The following ADGRG2 variants were observed in gnomAD, a reference collection of about 807,000 sequenced individuals.
The protein encoded by ADGRG2 is G protein-coupled receptor 64.
Under a neutral mutation model 74.1 loss-of-function variants are expected in ADGRG2, and 26 were observed. That is an observed-to-expected ratio of 0.35 (90% CI 0.26 to 0.49). The LOEUF (loss-of-function observed/expected upper bound fraction) is 0.49. Ranked by LOEUF, ADGRG2 falls within the 20% of genes least tolerant of loss-of-function variation. ADGRG2 has a pLI of 0.99. For synonymous variants in ADGRG2, 296 were observed against 295.2 expected (o/e 1.00, Z -0.03); for missense variants, 619 against 763.1 (o/e 0.81, Z 2.22).
At chrX:19,064,603 G>T (rs1471493378) in intron 3 of ADGRG2, among the ~76,000 whole-genome samples, 2 of 112,312 alleles carry the variant, frequency 1.8e-5, no homozygotes, top group African/African-American at 3.2e-5. Context: ...AACCACCTGG[G>T]TGATCCAGAA....
At chrX:19,008,436 C>T (rs1298144425) in intron 18 of ADGRG2, among the ~76,000 whole-genome samples, 2 of 110,944 alleles carry the variant, frequency 1.8e-5, no homozygotes, top group Non-Finnish European at 3.8e-5. Context: ...GAGGCCGAGT[C>T]GGGAGGATCA....
At chrX:19,100,079 T>C (rs1221948344) in intron 1 of ADGRG2, among the ~76,000 whole-genome samples, 1 of 111,403 alleles carries the variant, frequency 9.0e-6, no homozygotes, top group Non-Finnish European at 1.9e-5. Context: ...TCAGCAACCC[T>C]GGACAACCAT....
intron 1 of ADGRG2, among the ~76,000 whole-genome samples, chrX:19,096,399 G>A (rs1033424315): frequency 7.3e-5 from 7 of 96,227 alleles, no homozygotes; most frequent in African/African-American, 2.4e-4. Context: ...GTGACAGAGC[G>A]AGACTCTATC....
chrX:19,048,123 C>T (rs1193456218), intron 3 of ADGRG2, among the ~76,000 whole-genome samples: 1 of 111,221 alleles, frequency 9.0e-6, no homozygotes, highest in Non-Finnish European at 1.9e-5. Flanking sequence ...CCACCCATCC[C>T]CCTGGCTCTT....
chrX:19,065,995 C>T (rs1158217787), intron 3 of ADGRG2, among the ~76,000 whole-genome samples: 1 of 111,907 alleles, frequency 8.9e-6, no homozygotes, highest in Non-Finnish European at 1.9e-5. Flanking sequence ...TATAGGCGTG[C>T]ACCACCACGC....
intron 1 of ADGRG2, among the ~76,000 whole-genome samples, chrX:19,101,939 A>C (rs2147036769): frequency 9.0e-6 from 1 of 110,577 alleles, no homozygotes; most frequent in African/African-American, 3.3e-5. Context: ...CACGTGCCTG[A>C]TTTCCTGACC....
chrX:19,100,411 A>G (rs2062168408), intron 1 of ADGRG2, among the ~76,000 whole-genome samples: 1 of 113,390 alleles, frequency 8.8e-6, no homozygotes, highest in African/African-American at 3.2e-5. Context: ...CATGTAAGTG[A>G]ATGAGCGTGA....
intron 10 of ADGRG2, among the ~76,000 whole-genome samples, 160 bp downstream of exon 10, chrX:19,028,023 C>A (rs1198066799): frequency 8.9e-6 from 1 of 112,053 alleles, no homozygotes; most frequent in Non-Finnish European, 1.9e-5. Context: ...AATTCAAGCC[C>A]TCGCTACAAA....
rs776436724 is a variant in ADGRG2, at chrX:18,989,335, ATTGATTTTAACATTT to A, written c.*1514_*1528del. ...AAGATCTTAACTGCAAATTTATTTC[ATTGATTTTAACATTT>A]TTGATTTTAACATATAAATACAAGA... is the stretch of plus-strand genomic sequence containing the variant. On this transcript the variant is annotated 3_prime_UTR_variant, in exon 29 of 29. Coordinates refer to ENST00000379869, the MANE Select transcript of ADGRG2 (RefSeq NM_001079858.3). 8.3e-3 allele frequency: 934 copies of A among 112,694 alleles called. 11 individuals are homozygous for A. Among genetic ancestry groups the A allele is most frequent in the African/African-American group, 0.028 (859 of 30,997 alleles). The allele number at this position is 112,694 out of a possible 1,213,427, so 9.3% of individuals were successfully genotyped here.
At position 19,031,021 on chromosome X, in the gene ADGRG2, T is replaced by C; in HGVS notation, c.321A>G (p.Arg107=). Residue 107 remains arginine, a synonymous_variant, in exon 9 of 29, where the codon AGA becomes AGG. Coordinates refer to ENST00000379869, the MANE Select transcript of ADGRG2 (RefSeq NM_001079858.3). The part of the protein sequence containing the change: ...TFNASGVKPQ[R]NICNLSSICN... ...AAATAGATGACAAATTGCAGATATT[T>C]CTCTGGGGTTTGACGCCTGCAAAGA... The C allele has an allele frequency of 3.3e-6, 4 of 1,199,071 alleles. No homozygotes were observed. The highest frequency in any genetic ancestry group is 4.5e-6 in the Non-Finnish European group (4 of 884,301).
chrX:19,085,183 A>G (rs1040004163), intron 1 of ADGRG2, among the ~76,000 whole-genome samples: 3 of 111,832 alleles, frequency 2.7e-5, no homozygotes, highest in Admixed American at 1.9e-4. Flanking sequence ...TGTGTTTTGG[A>G]ATATTATGCA....
At chrX:19,044,410 C>T (rs969333875) in intron 3 of ADGRG2, among the ~76,000 whole-genome samples, 2 of 111,599 alleles carry the variant, frequency 1.8e-5, no homozygotes, top group African/African-American at 3.3e-5. Context: ...AAGTAGTCCA[C>T]GATAATCTCA....
chrX:19,075,482 G>A (rs1223717133), intron 2 of ADGRG2, among the ~76,000 whole-genome samples: 1 of 108,672 alleles, frequency 9.2e-6, no homozygotes, highest in Non-Finnish European at 1.9e-5. Flanking sequence ...GCCAGGTGTG[G>A]TGGCGCCCAC....
intron 1 of ADGRG2, among the ~76,000 whole-genome samples, chrX:19,102,815 G>C (rs2062212138): frequency 9.0e-6 from 1 of 110,922 alleles, no homozygotes; most frequent in African/African-American, 3.3e-5. Flanking sequence ...ACCCAGAAGA[G>C]GGAACTCACC....
At chrX:18,996,013 G>T (rs779327007) in intron 27 of ADGRG2, 38 bp downstream of exon 27, 3 of 684,686 alleles carry the variant, frequency 4.4e-6, no homozygotes, top group Non-Finnish European at 7.1e-6. Flanking sequence ...TTTTCCTTGA[G>T]ATTTAAGAGG....
At chrX:19,079,970 G>A (rs1419590121) in intron 2 of ADGRG2, among the ~76,000 whole-genome samples, 1 of 107,200 alleles carries the variant, frequency 9.3e-6, no homozygotes, top group Admixed American at 1.0e-4. Flanking sequence ...GAATGCAATG[G>A]CGTGATCTCG....
At chrX:19,076,283 G>C (rs887060065) in intron 2 of ADGRG2, among the ~76,000 whole-genome samples, 7 of 111,565 alleles carry the variant, frequency 6.3e-5, no homozygotes, top group Non-Finnish European at 1.3e-4. Flanking sequence ...AGAAGCAAGG[G>C]TGAGGGGAAG....
At chrX:19,037,364 G>T (rs1342505132) in intron 6 of ADGRG2, 103 bp downstream of exon 6, 4 of 605,615 alleles carry the variant, frequency 6.6e-6, no homozygotes, top group Admixed American at 8.3e-5. Context: ...ACTACTCGAC[G>T]TATTCAGAAA....
At chrX:19,082,175 T>C (rs1052723944) in intron 2 of ADGRG2, among the ~76,000 whole-genome samples, 12 of 108,966 alleles carry the variant, frequency 1.1e-4, no homozygotes, top group Non-Finnish European at 1.9e-4. Flanking sequence ...AGAATTTCTA[T>C]CTAGAAGAGG....
Sources: allele counts gnomAD v4.1 joint callset (sites outside exome capture counted in the v4.1 genomes callset), GRCh38; gene constraint gnomAD v4.1.1; transcripts MANE v1.5; gene names NCBI Gene and HGNC (gene_info 2026-07-23, HGNC 2026-07-21).